Variants in TMEM131 observed in about 807,000 individuals in gnomAD.
TMEM131 encodes transmembrane protein 131, also known as 2610524E03Rik.
In TMEM131, 66 loss-of-function variants were observed where a neutral mutation model predicts 211.6. The observed-to-expected ratio is 0.31, with a 90% CI of 0.26 to 0.38. TMEM131 has a LOEUF of 0.38. Ranked by LOEUF, TMEM131 falls within the 10% of genes least tolerant of loss-of-function variation. The pLI is 1.00. For synonymous variants in TMEM131, 844 were observed against 841.3 expected, an observed-to-expected ratio of 1.00 and a Z score of -0.06; for missense variants, 2,036 against 2,299.3, an observed-to-expected ratio of 0.89 and a Z score of 2.34.
chr2:97,866,536 C>T (rs182412243), intron 4 of TMEM131, among the ~76,000 whole-genome samples: 1 of 152,144 alleles, frequency 6.6e-6, no homozygotes, highest in African/African-American at 2.4e-5. Flanking sequence ...TTATTTATTT[C>T]CTCTAGTTTT....
chr2:97,939,894 T>G (rs972977840), intron 1 of TMEM131, among the ~76,000 whole-genome samples: 1 of 152,066 alleles, frequency 6.6e-6, no homozygotes, highest in Non-Finnish European at 1.5e-5. Context: ...ACGTAATCCA[T>G]CATATAAACA....
intron 1 of TMEM131, among the ~76,000 whole-genome samples, chr2:97,963,282 T>C (rs1678901744): frequency 6.6e-6 from 1 of 152,246 alleles, no homozygotes; most frequent in African/African-American, 2.4e-5. Context: ...CTTAATACCC[T>C]GAAGGCACAT....
chr2:97,928,918 T>C (rs943065024), intron 1 of TMEM131, among the ~76,000 whole-genome samples: 4 of 151,862 alleles, frequency 2.6e-5, no homozygotes, highest in Admixed American at 2.6e-4. Flanking sequence ...CATTATTACA[T>C]ACATATAAGA....
At position 97,990,245 on chromosome 2, in the gene TMEM131, C is replaced by T. The variant is rs571456144; in HGVS notation, c.187+5231G>A. On this transcript the variant is annotated intron_variant, in intron 1 of 40. Transcript: ENST00000186436. Reference sequence around the variant, plus strand: ...GTTTCCTTTTAAGAACCTTCATGATCCAGAATGGCCTGTGATTACTTAAAC... The same window carrying T: ...GTTTCCTTTTAAGAACCTTCATGATTCAGAATGGCCTGTGATTACTTAAAC... 1.0e-3 allele frequency among the ~76,000 whole-genome samples: 154 copies of T among 152,034 alleles called. 1 individual carries two copies. Among genetic ancestry groups the T allele is most frequent in the African/African-American group, 3.5e-3 (146 of 41,446 alleles).
intron 1 of TMEM131, among the ~76,000 whole-genome samples, chr2:97,962,127 T>C (rs1678844252): frequency 1.3e-5 from 2 of 152,178 alleles, no homozygotes; most frequent in African/African-American, 4.8e-5. Context: ...ATACAGAATA[T>C]ACACAGACCT....
At position 97,792,959 on chromosome 2, in the gene TMEM131, C is replaced by A; in HGVS notation, c.3571G>T (p.Gly1191Cys). The change falls in exon 31 of 41, where the codon GGT becomes TGT. Residue 1191 changes from glycine (G) to cysteine (C), a missense_variant. Physicochemically the swap from Gly to Cys is radical, Grantham distance 159. Around this residue, in one of 3 missense-constraint regions of TMEM131, gnomAD observed 1,623 missense variants for 1,805.9 expected, o/e 0.90. Coordinates refer to ENST00000186436, the MANE Select transcript of TMEM131 (RefSeq NM_015348.2). ...GCTCCACAGAACCCCCTACTGTGAC[C>A]GGGGTCACAGCTGAGTGTGTTCAAG... ...GNLNTLSCDP[G>C]HSRGFCGAGG... is the part of the protein sequence containing the mutation. 1 of 1,596,096 alleles carries A rather than the reference C, an allele frequency of 6.3e-7. No individual in the cohort carries two copies.
Position 97,837,090 on chromosome 2 carries a change from G to A in TMEM131, c.791C>T (p.Thr264Ile). 6.2e-7 allele frequency: 1 copy of A among 1,612,616 alleles called. No individual in the cohort carries two copies. The highest frequency in any genetic ancestry group is 8.5e-7 in the Non-Finnish European group (1 of 1,179,286). The change falls in exon 8 of 41, where the codon ACC (threonine) becomes ATC (isoleucine). Residue 264 changes from threonine (T) to isoleucine (I), a missense_variant. Physicochemically the swap from Thr to Ile is moderately conservative, Grantham distance 89. Transcript: ENST00000186436. The part of the protein sequence containing the change: ...LELPTGQQGG[T>I]RKLWEIPPYE... The stretch of plus-strand genomic sequence containing the variant: ...GTTACAACTCACCCACAGTTTTCTG[G>A]TACCTCCTTGTTGACCCGTTGGGAG...
chr2:97,988,610 G>A (rs543378006), intron 1 of TMEM131, among the ~76,000 whole-genome samples: 2 of 152,308 alleles, frequency 1.3e-5, no homozygotes, highest in African/African-American at 4.8e-5. Flanking sequence ...CGTGGGCAAA[G>A]GACGTGAATA....
At chr2:97,938,677 CCT>C (rs1303193130) in intron 1 of TMEM131, among the ~76,000 whole-genome samples, 1 of 152,126 alleles carries the variant, frequency 6.6e-6, no homozygotes, top group Non-Finnish European at 1.5e-5. Context: ...ACCAAGCAGA[CCT>C]AATAGACATC....
intron 1 of TMEM131, among the ~76,000 whole-genome samples, chr2:97,943,046 AAAGAAAGAAAG>A (rs1559464509): frequency 0.014 from 1,390 of 100,686 alleles, 33 homozygotes; most frequent in African/African-American, 0.029. Context: ...GAAAAGAAAG[AAAGAAAGAAAG>A]AAAGAAAGAA....
At chr2:97,868,425 T>C (rs1674358268) in intron 4 of TMEM131, among the ~76,000 whole-genome samples, 2 of 152,226 alleles carry the variant, frequency 1.3e-5, no homozygotes, top group African/African-American at 4.8e-5. Flanking sequence ...AATCTTGGTC[T>C]CTTAATTGAT....
chr2:97,833,231 C>A, intron 11 of TMEM131, 134 bp downstream of exon 11: 1 of 537,454 alleles, frequency 1.9e-6, no homozygotes, highest in South Asian at 2.3e-5. Flanking sequence ...TCACATCACA[C>A]TTAGAACCAA....
chr2:97,760,760 G>A (rs771169954), intron 37 of TMEM131, 33 bp downstream of exon 37: 1 of 1,613,780 alleles, frequency 6.2e-7, no homozygotes, highest in Admixed American at 1.7e-5. Flanking sequence ...CCTGGCGCCT[G>A]GCGTGGCAGG....
chr2:97,822,744 T>C (rs1049956056), intron 11 of TMEM131, among the ~76,000 whole-genome samples: 3 of 152,028 alleles, frequency 2.0e-5, no homozygotes, highest in African/African-American at 7.2e-5. Context: ...ATCAGCAGGG[T>C]CCAGGGACTG....
chr2:97,893,670 G>T (rs578020511), intron 3 of TMEM131, among the ~76,000 whole-genome samples: 10 of 152,052 alleles, frequency 6.6e-5, no homozygotes, highest in Non-Finnish European at 1.5e-4. Context: ...AAATATGTTT[G>T]TTGGCCGCAT....
intron 3 of TMEM131, among the ~76,000 whole-genome samples, chr2:97,906,805 C>A (rs1185948537): frequency 6.6e-6 from 1 of 152,172 alleles, no homozygotes; most frequent in East Asian, 1.9e-4. Context: ...GGAGAAGAGA[C>A]AAGCTGTCTT....
chr2:97,813,829 G>C (rs185624734), intron 15 of TMEM131, 142 bp downstream of exon 15: 1 of 656,066 alleles, frequency 1.5e-6, no homozygotes, highest in East Asian at 3.0e-5. Context: ...TACCTGGAAA[G>C]GTAAAAACTG....
At chr2:97,828,001 T>G in intron 11 of TMEM131, among the ~76,000 whole-genome samples, 1 of 152,268 alleles carries the variant, frequency 6.6e-6, no homozygotes, top group Non-Finnish European at 1.5e-5. Flanking sequence ...TGGCTCTCTC[T>G]GCCAGAATTG....
At chr2:97,931,008 A>G (rs1157222453) in intron 1 of TMEM131, among the ~76,000 whole-genome samples, 1 of 151,950 alleles carries the variant, frequency 6.6e-6, no homozygotes, top group East Asian at 1.9e-4. Flanking sequence ...AAGTGGCTAG[A>G]GAAAAGTATG....
Sources: allele counts gnomAD v4.1 joint callset (sites outside exome capture counted in the v4.1 genomes callset), GRCh38; gene constraint gnomAD v4.1.1; regional missense constraint gnomAD v4.1.1; transcripts MANE v1.5; gene names NCBI Gene and HGNC (gene_info 2026-07-23, HGNC 2026-07-21).